GPD2: variants seen among roughly 807,000 people sequenced by gnomAD.
The protein encoded by GPD2 is glycerol-3-phosphate dehydrogenase 2.
GPD2 carries 54 observed loss-of-function variants against 82.4 expected under a neutral mutation model. The observed-to-expected ratio is 0.66, with a 90% confidence interval of 0.53 to 0.82. The LOEUF is 0.82. Ranked by LOEUF, GPD2 falls within the 40% of genes least tolerant of loss-of-function variation. The pLI, the probability that GPD2 is intolerant of heterozygous loss-of-function variation, is 0.00. For missense variants in GPD2, 748 were observed against 896.2 expected (o/e 0.83, Z 2.11); for synonymous variants, 288 against 306.1 (o/e 0.94, Z 0.62).
rs1344278765 is a variant in GPD2, at chr2:156,583,120, G to A, written c.*202G>A. 3.4e-6 allele frequency: 2 copies of A among 586,856 alleles called. No individual in the cohort carries two copies. Among genetic ancestry groups the A allele is most frequent in the South Asian group, 2.0e-5 (1 of 51,020 alleles). 36.4% of individuals were successfully genotyped at this position (586,856 alleles called of 1,614,324 possible). ...TTATTTGTATTTGCCATTCAGTCTA[G>A]CTTTTAAGTATATTTTTTTCTTTTT... On this transcript the variant is annotated 3_prime_UTR_variant, in exon 17 of 17. Coordinates refer to ENST00000438166, the MANE Select transcript of GPD2 (RefSeq NM_000408.5).
At chr2:156,575,882 G>C (rs1001203091) in intron 13 of GPD2, among the ~76,000 whole-genome samples, 13 of 152,178 alleles carry the variant, frequency 8.5e-5, no homozygotes, top group Admixed American at 7.2e-4. Context: ...CCTTGTCCTA[G>C]ATCTTGACCT....
chr2:156,496,846 A>G (rs977895011), intron 3 of GPD2, among the ~76,000 whole-genome samples: 2 of 115,050 alleles, frequency 1.7e-5, no homozygotes, highest in African/African-American at 5.8e-5. Flanking sequence ...ATCTTTGTTC[A>G]TGTATCTCTT....
At chr2:156,428,904 T>C in the GPD2 span, among the ~76,000 whole-genome samples, 1 of 152,214 alleles carries the variant, frequency 6.6e-6, no homozygotes, top group East Asian at 1.9e-4. Context: ...ACAGCACCTG[T>C]TACCCTCTGG....
At chr2:156,564,550 G>A (rs1020752480) in intron 9 of GPD2, among the ~76,000 whole-genome samples, 1 of 152,016 alleles carries the variant, frequency 6.6e-6, no homozygotes, top group African/African-American at 2.4e-5. Context: ...TATACCCAAG[G>A]TCCTGAGGAG....
chr2:156,449,904 A>G (rs1682495511), intron 1 of GPD2, among the ~76,000 whole-genome samples: 2 of 147,730 alleles, frequency 1.4e-5, no homozygotes, highest in South Asian at 2.2e-4. Flanking sequence ...AATCCCAGCT[A>G]CTAGGGAGGC....
intron 1 of GPD2, among the ~76,000 whole-genome samples, chr2:156,451,487 T>A (rs1433750643): frequency 3.0e-5 from 1 of 33,190 alleles, no homozygotes; most frequent in Non-Finnish European, 5.7e-5. Context: ...CCCACCTCCC[T>A]CCCGGAAGGG....
intron 3 of GPD2, among the ~76,000 whole-genome samples, chr2:156,496,425 CTCCATGTG>C (rs1482087715): frequency 6.6e-6 from 1 of 152,044 alleles, no homozygotes; most frequent in Non-Finnish European, 1.5e-5. Flanking sequence ...TGTTGTTCCC[CTCCATGTG>C]TCCATGTGTT....
chr2:156,409,434 C>A, the GPD2 span, among the ~76,000 whole-genome samples: 3 of 152,090 alleles, frequency 2.0e-5, no homozygotes, highest in Admixed American at 2.0e-4. Context: ...TGGTGGCTGA[C>A]ATCATAATCC....
At chr2:156,401,233 T>C in the GPD2 span, among the ~76,000 whole-genome samples, 4 of 152,234 alleles carry the variant, frequency 2.6e-5, no homozygotes, top group Non-Finnish European at 2.9e-5. Flanking sequence ...GCAAATGTGC[T>C]TTTCTATTGC....
At chr2:156,424,137 A>G in the GPD2 span, among the ~76,000 whole-genome samples, 2 of 151,498 alleles carry the variant, frequency 1.3e-5, no homozygotes, top group South Asian at 2.1e-4. Flanking sequence ...AAGCTCGCCT[A>G]TGTCTAATAC....
intron 13 of GPD2, among the ~76,000 whole-genome samples, chr2:156,577,777 T>C (rs189884696): frequency 1.3e-5 from 2 of 152,188 alleles, no homozygotes; most frequent in Non-Finnish European, 2.9e-5. Context: ...TTCCCTCACA[T>C]TACATGAAGG....
At chr2:156,581,305 A>C (rs573043576) in intron 16 of GPD2, among the ~76,000 whole-genome samples, 12 of 151,912 alleles carry the variant, frequency 7.9e-5, no homozygotes, top group Non-Finnish European at 1.8e-4. Context: ...TTCACACCCA[A>C]ATGTTATTTT....
At chr2:156,412,436 G>A in the GPD2 span, among the ~76,000 whole-genome samples, 5 of 15,846 alleles carry the variant, frequency 3.2e-4, no homozygotes, top group African/African-American at 7.3e-4. Context: ...GACTTCGTCT[G>A]TAAAAAAAAA....
chr2:156,418,608 T>G, the GPD2 span, among the ~76,000 whole-genome samples: 4 of 152,222 alleles, frequency 2.6e-5, no homozygotes, highest in East Asian at 7.7e-4. Context: ...CCTCTGAAGG[T>G]TCACTGGAAA....
At chr2:156,504,832 T>A (rs1216099662) in intron 3 of GPD2, among the ~76,000 whole-genome samples, 1 of 152,110 alleles carries the variant, frequency 6.6e-6, no homozygotes, top group African/African-American at 2.4e-5. Flanking sequence ...AAATATACCA[T>A]ATGATCCTAT....
chr2:156,433,632 T>G (rs1305501789), upstream of GPD2, among the ~76,000 whole-genome samples: 1 of 152,212 alleles, frequency 6.6e-6, no homozygotes, highest in Non-Finnish European at 1.5e-5. Context: ...GAATTACTCT[T>G]GCAATTCCCT....
chr2:156,406,805 CTCTT>C, the GPD2 span, among the ~76,000 whole-genome samples: 1 of 152,198 alleles, frequency 6.6e-6, no homozygotes, highest in South Asian at 2.1e-4. Flanking sequence ...CTTCCTAAAG[CTCTT>C]TCTTCTTCTT....
chr2:156,471,526 C>G (rs1683328362), intron 1 of GPD2, among the ~76,000 whole-genome samples: 1 of 152,212 alleles, frequency 6.6e-6, no homozygotes, highest in Admixed American at 6.5e-5. Context: ...TACATCATCT[C>G]CAGCCAAACG....
At chr2:156,400,799 T>C in the GPD2 span, among the ~76,000 whole-genome samples, 20 of 152,326 alleles carry the variant, frequency 1.3e-4, no homozygotes, top group South Asian at 4.1e-4. Context: ...GAGCGCGCGC[T>C]TCGCATGTGT....
Sources: gnomAD v4.1 joint callset for allele counts (sites outside exome capture counted in the v4.1 genomes callset) on GRCh38, gnomAD v4.1.1 for gene constraint, MANE v1.5 for transcripts, NCBI Gene and HGNC (gene_info 2026-07-23, HGNC 2026-07-21) for gene names.